CNTNAP5: variants seen among roughly 807,000 people sequenced by gnomAD.
The protein encoded by CNTNAP5 is contactin-associated protein-like 5.
A neutral mutation model predicts 150.2 loss-of-function variants in CNTNAP5; 72 were observed. The ratio of observed to expected loss-of-function variants is 0.48; its 90% CI spans 0.40 to 0.58. The LOEUF is 0.58. CNTNAP5 is among the 20% of genes least tolerant of loss of function. The pLI is 0.00. For synonymous variants in CNTNAP5, 672 were observed against 619.8 expected, an observed-to-expected ratio of 1.08 and a Z score of -1.25; for missense variants, 1,636 against 1,626.2, an observed-to-expected ratio of 1.01 and a Z score of -0.10.
At chr2:124,327,303 T>A (rs922939545) in intron 3 of CNTNAP5, among the ~76,000 whole-genome samples, 8 of 152,000 alleles carry the variant, frequency 5.3e-5, no homozygotes, top group South Asian at 2.1e-4. Context: ...AAACAAAAAC[T>A]AAAACTAAAA....
intron 8 of CNTNAP5, among the ~76,000 whole-genome samples, chr2:124,514,689 A>G (rs1694666309): frequency 6.6e-6 from 1 of 152,182 alleles, no homozygotes; most frequent in Non-Finnish European, 1.5e-5. Context: ...GAGAAAGGGA[A>G]GACTTTCTAG....
At chr2:124,067,701 A>T (rs2104660415) in intron 1 of CNTNAP5, among the ~76,000 whole-genome samples, 1 of 152,286 alleles carries the variant, frequency 6.6e-6, no homozygotes, top group East Asian at 1.9e-4. Context: ...TATACTTTTT[A>T]ATCGTTGTGT....
chr2:124,437,954 A>G (rs916228477), intron 5 of CNTNAP5, among the ~76,000 whole-genome samples: 4 of 152,164 alleles, frequency 2.6e-5, no homozygotes, highest in African/African-American at 9.7e-5. Context: ...TTTTCTAATC[A>G]GTTACTTGCA....
intron 10 of CNTNAP5, among the ~76,000 whole-genome samples, chr2:124,550,521 C>T (rs997114684): frequency 3.9e-5 from 6 of 152,130 alleles, no homozygotes; most frequent in Non-Finnish European, 7.3e-5. Context: ...ACTGTCTGTG[C>T]GTTTCCTGAT....
intron 17 of CNTNAP5, among the ~76,000 whole-genome samples, chr2:124,775,390 G>A (rs373379858): frequency 5.3e-5 from 8 of 152,268 alleles, no homozygotes; most frequent in South Asian, 2.1e-4. Context: ...TATCATTGGC[G>A]TGTGCTTCTT....
At chr2:124,831,396 C>A (rs1682713973) in intron 19 of CNTNAP5, among the ~76,000 whole-genome samples, 1 of 151,840 alleles carries the variant, frequency 6.6e-6, no homozygotes, top group Non-Finnish European at 1.5e-5. Flanking sequence ...TTCTTCATAT[C>A]TTTCTTTCCT....
chr2:124,850,507 C>T (rs1683132914), intron 19 of CNTNAP5, among the ~76,000 whole-genome samples: 1 of 152,156 alleles, frequency 6.6e-6, no homozygotes. Flanking sequence ...AAGAAAGCAT[C>T]CTCCCCTTGA....
At chr2:124,521,851 A>C (rs1003488892) in intron 8 of CNTNAP5, among the ~76,000 whole-genome samples, 4 of 152,172 alleles carry the variant, frequency 2.6e-5, no homozygotes, top group African/African-American at 9.6e-5. Flanking sequence ...TCACCAAGAC[A>C]CACCTGACAG....
In CNTNAP5 at chr2:124,706,943, G is replaced by GA. The variant is rs1558743370; in HGVS notation, c.2078-40285dup. ...GAAGAAGAAGAAGAAGAAGAAGAAG[G>GA]AGGAGGAGGAGGAGGAGGAGGAGAA... On this transcript the variant is annotated intron_variant, in intron 13 of 23. Transcript: ENST00000682447. Among the ~76,000 whole-genome samples the GA allele has an allele frequency of 4.5e-3, 337 of 75,212 alleles. 21 individuals are homozygous for GA. The highest frequency in any genetic ancestry group is 0.016 in the African/African-American group (312 of 19,682). The allele number at this position is 75,212 out of a possible 152,430, so 49.3% of individuals were successfully genotyped here.
chr2:124,488,436 A>T (rs368548312), intron 7 of CNTNAP5, among the ~76,000 whole-genome samples: 1 of 152,182 alleles, frequency 6.6e-6, no homozygotes, highest in Non-Finnish European at 1.5e-5. Flanking sequence ...CTTCCCCAAG[A>T]TACGTAACTA....
intron 3 of CNTNAP5, among the ~76,000 whole-genome samples, chr2:124,415,202 T>A (rs1691886835): frequency 6.6e-6 from 1 of 152,162 alleles, no homozygotes. Context: ...AAAGAGAAAA[T>A]GTTCAAAGTT....
intron 4 of CNTNAP5, among the ~76,000 whole-genome samples, chr2:124,419,141 A>AAAAAAAAAAAAAAAAAAAAAAAC: frequency 9.3e-6 from 1 of 107,584 alleles, no homozygotes; most frequent in Non-Finnish European, 1.9e-5. Context: ...ACTCCTTCTC[A>AAAAAAAAAAAAAAAAAAAAAAAC]AAAAAAAAAA....
chr2:124,231,155 A>T (rs1686608271), intron 2 of CNTNAP5, among the ~76,000 whole-genome samples: 1 of 152,122 alleles, frequency 6.6e-6, no homozygotes, highest in Non-Finnish European at 1.5e-5. Flanking sequence ...GAAATTTGAG[A>T]TGCAGCATTC....
At chr2:124,027,235 G>A (rs1185249584) in intron 1 of CNTNAP5, among the ~76,000 whole-genome samples, 1 of 152,170 alleles carries the variant, frequency 6.6e-6, no homozygotes. Flanking sequence ...TTCCCGTGGT[G>A]CTTTAGAAAA....
At chr2:124,148,545 TATATATA>T (rs1684317187) in intron 1 of CNTNAP5, among the ~76,000 whole-genome samples, 1 of 146,514 alleles carries the variant, frequency 6.8e-6, no homozygotes, top group Non-Finnish European at 1.5e-5. Context: ...ATATACATAT[TATATATA>T]ATATGTATAT....
Position 124,819,395 on chromosome 2 carries a change from C to G in CNTNAP5, c.3217+21075C>G, listed in dbSNP as rs1682437485. ...TTTCTGTTTGGTAAAATTTTTCCAG[C>G]AAATAACATGGCAGTATGGGTCGGT... On this transcript the variant is annotated intron_variant, in intron 19 of 23. Coordinates refer to ENST00000682447, the MANE Select transcript of CNTNAP5 (RefSeq NM_001367498.1). Among the ~76,000 whole-genome samples, 3 of 152,166 alleles carry G rather than the reference C, an allele frequency of 2.0e-5. No homozygotes were observed. In the South Asian group the frequency reaches 6.2e-4, roughly 32 times the overall value.
At chr2:124,351,192 G>A (rs959047243) in intron 3 of CNTNAP5, among the ~76,000 whole-genome samples, 1 of 152,196 alleles carries the variant, frequency 6.6e-6, no homozygotes, top group African/African-American at 2.4e-5. Context: ...GAGGCTTCCA[G>A]AAACCAAAGA....
chr2:124,399,468 T>C (rs914647149), intron 3 of CNTNAP5, among the ~76,000 whole-genome samples: 1 of 152,136 alleles, frequency 6.6e-6, no homozygotes, highest in Non-Finnish European at 1.5e-5. Context: ...TGGCGAAAAT[T>C]GACTATAGGA....
At chr2:124,156,380 A>G (rs1684548840) in intron 1 of CNTNAP5, among the ~76,000 whole-genome samples, 1 of 152,240 alleles carries the variant, frequency 6.6e-6, no homozygotes, top group Non-Finnish European at 1.5e-5. Context: ...TGAAATGAAG[A>G]TGAATGATCA....
Sources: allele counts gnomAD v4.1 joint callset (sites outside exome capture counted in the v4.1 genomes callset), GRCh38; gene constraint gnomAD v4.1.1; transcripts MANE v1.5; gene names NCBI Gene and HGNC (gene_info 2026-07-23, HGNC 2026-07-21).